Variants in ITPR2 observed in about 807,000 individuals in gnomAD.
ITPR2 encodes inositol 1,4,5-trisphosphate receptor type 2, also known as inositol 1,4,5-trisphosphate-gated calcium channel ITPR2.
In ITPR2, 207 loss-of-function variants were observed where a neutral mutation model predicts 317.1. The ratio of observed to expected loss-of-function variants is 0.65; its 90% CI spans 0.58 to 0.73. ITPR2 has a LOEUF of 0.73. Among genes scored for constraint, ITPR2 ranks in the 30% least tolerant of loss-of-function variants. ITPR2 has a pLI of 0.00. For synonymous variants in ITPR2, 1,156 were observed against 1,149.1 expected, an observed-to-expected ratio of 1.01 and a Z score of -0.12; for missense variants, 2,613 against 3,284.0, an observed-to-expected ratio of 0.80 and a Z score of 4.99.
chr12:26,800,547 G>C (rs1950539038), intron 1 of ITPR2, among the ~76,000 whole-genome samples: 1 of 152,154 alleles, frequency 6.6e-6, no homozygotes, highest in Non-Finnish European at 1.5e-5. Context: ...GGGATTTCTT[G>C]AGCCCAGGAG....
rs2230381 is a variant in ITPR2 at position 26,495,159 on chromosome 12, C to T, written c.5175G>A (p.Gln1725=). Residue 1725 remains glutamine, a synonymous_variant, in exon 38 of 57, where the codon CAG becomes CAA. Coordinates refer to ENST00000381340, the MANE Select transcript of ITPR2 (RefSeq NM_002223.4). The part of the protein sequence containing the change: ...HLSGAYSKTA[Q]VGGSFSGQDS... ...ACAAATGACAGGACTTACCTCCCAC[C>T]TGTGCAGTTTTGGAGTAGGCTCCTG... The T allele has an allele frequency of 0.19, 294,742 of 1,542,926 alleles. 31,307 individuals are homozygous for T. The highest frequency in any genetic ancestry group is 0.22 in the Non-Finnish European group (245,404 of 1,114,518).
chr12:26,759,648 T>C (rs1385074677), intron 2 of ITPR2, among the ~76,000 whole-genome samples: 1 of 152,176 alleles, frequency 6.6e-6, no homozygotes, highest in Non-Finnish European at 1.5e-5. Flanking sequence ...AAAGAGCAAT[T>C]AGAGGTGCAG....
chr12:26,832,645 A>C, intron 1 of ITPR2, 45 bp downstream of exon 1: 1 of 1,449,040 alleles, frequency 6.9e-7, no homozygotes. Context: ...ACTGGTTCCC[A>C]GGACCCGGAG....
chr12:26,672,995 A>C (rs1033883822), intron 13 of ITPR2, among the ~76,000 whole-genome samples: 2 of 152,216 alleles, frequency 1.3e-5, no homozygotes, highest in African/African-American at 4.8e-5. Flanking sequence ...CCAAGACTAA[A>C]CCAGGAAGAA....
At chr12:26,418,319 A>C (rs1334937218) in intron 50 of ITPR2, among the ~76,000 whole-genome samples, 3 of 152,192 alleles carry the variant, frequency 2.0e-5, no homozygotes, top group African/African-American at 7.2e-5. Flanking sequence ...TGGAAAGATA[A>C]ATAAATTGTT....
intron 10 of ITPR2, among the ~76,000 whole-genome samples, chr12:26,693,399 A>G (rs1483578866): frequency 6.6e-6 from 1 of 152,226 alleles, no homozygotes; most frequent in Non-Finnish European, 1.5e-5. Context: ...GTGCTGTTCC[A>G]TAGAACCTCC....
chr12:26,391,393 A>G, intron 54 of ITPR2, among the ~76,000 whole-genome samples: 1 of 152,108 alleles, frequency 6.6e-6, no homozygotes, highest in Admixed American at 6.5e-5. Flanking sequence ...ATGAAGGTAC[A>G]TGACCTGTTT....
chr12:26,712,634 TACACACACACACACAC>T (rs67872654), intron 8 of ITPR2, among the ~76,000 whole-genome samples: 49,439 of 148,990 alleles, frequency 0.33, 10,374 homozygotes, highest in Non-Finnish European at 0.48. Context: ...TTGTCTCAAA[TACACACACACACACAC>T]ACACACACAC....
intron 1 of ITPR2, among the ~76,000 whole-genome samples, chr12:26,794,204 T>A (rs1157166710): frequency 6.6e-6 from 1 of 152,190 alleles, no homozygotes; most frequent in Admixed American, 6.5e-5. Flanking sequence ...AAGTATGAAT[T>A]TTGTAAATGT....
At chr12:26,499,117 C>T (rs17837366) in intron 37 of ITPR2, among the ~76,000 whole-genome samples, 16,274 of 152,022 alleles carry the variant, frequency 0.11, 1,147 homozygotes, top group African/African-American at 0.19. Flanking sequence ...TTTAAAATGC[C>T]GTTTATACTG....
chr12:26,587,908 T>C (rs1565622640), intron 32 of ITPR2, among the ~76,000 whole-genome samples: 1 of 152,072 alleles, frequency 6.6e-6, no homozygotes, highest in Non-Finnish European at 1.5e-5. Flanking sequence ...GTGATGGGAG[T>C]GTTCAGGAGT....
intron 1 of ITPR2, among the ~76,000 whole-genome samples, chr12:26,820,840 T>C (rs1207164910): frequency 6.6e-6 from 1 of 152,158 alleles, no homozygotes; most frequent in African/African-American, 2.4e-5. Flanking sequence ...TGGATGAACC[T>C]TGAAAACATT....
intron 2 of ITPR2, among the ~76,000 whole-genome samples, chr12:26,759,805 CTGAACTAAAAAAACTAACAGCAATA>C (rs755006727): frequency 1.3e-5 from 2 of 152,036 alleles, no homozygotes; most frequent in Non-Finnish European, 2.9e-5. Flanking sequence ...CAAGCAAAGT[CTGAACTAAAAAAACTAACAGCAATA>C]TGGAAGCCAG....
At chr12:26,430,854 C>T (rs2136708517) in intron 48 of ITPR2, among the ~76,000 whole-genome samples, 1 of 152,234 alleles carries the variant, frequency 6.6e-6, no homozygotes, top group Admixed American at 6.5e-5. Context: ...CTGTACAGAA[C>T]ATGCTGCTTC....
chr12:26,521,307 T>G (rs1943658061), intron 37 of ITPR2, among the ~76,000 whole-genome samples: 1 of 152,130 alleles, frequency 6.6e-6, no homozygotes, highest in East Asian at 1.9e-4. Flanking sequence ...GCATGAAAAA[T>G]AATTTCTATT....
intron 32 of ITPR2, among the ~76,000 whole-genome samples, chr12:26,584,788 G>A (rs1945482271): frequency 6.6e-6 from 1 of 152,146 alleles, no homozygotes; most frequent in African/African-American, 2.4e-5. Flanking sequence ...ACTCTACAGG[G>A]CAGGGCACCT....
intron 51 of ITPR2, among the ~76,000 whole-genome samples, chr12:26,414,946 C>T (rs1272926607): frequency 1.3e-5 from 2 of 151,874 alleles, no homozygotes; most frequent in Non-Finnish European, 2.9e-5. Flanking sequence ...GTGAATGATG[C>T]TAGCTGTTAT....
At chr12:26,450,469 G>A (rs994744327) in intron 45 of ITPR2, among the ~76,000 whole-genome samples, 1 of 152,068 alleles carries the variant, frequency 6.6e-6, no homozygotes, top group Non-Finnish European at 1.5e-5. Flanking sequence ...GACCAAAGAA[G>A]AAATAACTGG....
At chr12:26,566,145 A>T (rs935930096) in intron 34 of ITPR2, among the ~76,000 whole-genome samples, 3 of 111,054 alleles carry the variant, frequency 2.7e-5, no homozygotes, top group Admixed American at 8.9e-5. Context: ...GGAGGAGAGG[A>T]AAGGAGAAGG....
Sources: gnomAD v4.1 joint callset for allele counts (sites outside exome capture counted in the v4.1 genomes callset) on GRCh38, gnomAD v4.1.1 for gene constraint, MANE v1.5 for transcripts, NCBI Gene and HGNC (gene_info 2026-07-23, HGNC 2026-07-21) for gene names.